The following TSNARE1 variants were observed in gnomAD, a reference collection of about 807,000 sequenced individuals.
TSNARE1 encodes the protein t-SNARE domain containing 1.
TSNARE1 carries 49 observed loss-of-function variants against 62.0 expected under a neutral mutation model. The observed-to-expected ratio is 0.79, with a 90% CI of 0.63 to 1.00. TSNARE1 has a LOEUF of 1.00. Among genes scored for constraint, TSNARE1 ranks in the 50% least tolerant of loss-of-function variants. The pLI is 0.00. For missense variants in TSNARE1, 755 were observed against 700.1 expected, an observed-to-expected ratio of 1.08 and a Z score of -0.88; for synonymous variants, 328 against 294.4, an observed-to-expected ratio of 1.11 and a Z score of -1.17.
At chr8:142,251,756 CCGGGCACCA>C (rs2130288022) in intron 12 of TSNARE1, among the ~76,000 whole-genome samples, 1 of 147,008 alleles carries the variant, frequency 6.8e-6, no homozygotes, top group Non-Finnish European at 1.5e-5. Flanking sequence ...TCTGCAGGGC[CCGGGCACCA>C]TGTACCCGCC....
intron 10 of TSNARE1, among the ~76,000 whole-genome samples, chr8:142,295,956 G>T (rs554152126): frequency 1.4e-5 from 2 of 145,106 alleles, no homozygotes; most frequent in African/African-American, 5.2e-5. Flanking sequence ...CTAGCACTGG[G>T]GGCTGGCTAT....
chr8:142,374,261 T>C (rs1342495931), intron 1 of TSNARE1, among the ~76,000 whole-genome samples: 3 of 148,772 alleles, frequency 2.0e-5, no homozygotes, highest in African/African-American at 7.5e-5. Context: ...GCCGAGATTA[T>C]GCCATTGCAC....
At chr8:142,364,520 A>G (rs1266602188) in intron 1 of TSNARE1, among the ~76,000 whole-genome samples, 1 of 152,228 alleles carries the variant, frequency 6.6e-6, no homozygotes, top group Non-Finnish European at 1.5e-5. Flanking sequence ...GGGCACACCC[A>G]GCACAGAGCT....
At chr8:142,245,215 C>G (rs539470884) in intron 12 of TSNARE1, among the ~76,000 whole-genome samples, 5 of 152,176 alleles carry the variant, frequency 3.3e-5, no homozygotes, top group Non-Finnish European at 5.9e-5. Context: ...GAGAGGAGCT[C>G]GTCTACTGCT....
chr8:142,385,939 T>C (rs1837088161), intron 1 of TSNARE1, among the ~76,000 whole-genome samples: 1 of 152,214 alleles, frequency 6.6e-6, no homozygotes. Flanking sequence ...CAGGTCCCTG[T>C]GGCTACAGGA....
chr8:142,364,177 C>T (rs146043924), intron 1 of TSNARE1, among the ~76,000 whole-genome samples: 426 of 152,336 alleles, frequency 2.8e-3, no homozygotes, highest in African/African-American at 9.8e-3. Flanking sequence ...GCTCTCCCTG[C>T]ACTGGCACTA....
At chr8:142,368,286 C>T (rs1434307843) in intron 1 of TSNARE1, among the ~76,000 whole-genome samples, 1 of 152,116 alleles carries the variant, frequency 6.6e-6, no homozygotes, top group Non-Finnish European at 1.5e-5. Flanking sequence ...GCAAAAGACA[C>T]AAACAGAAAA....
chr8:142,281,830 A>AG (rs34023945), intron 11 of TSNARE1, among the ~76,000 whole-genome samples: 37,024 of 151,896 alleles, frequency 0.24, 5,111 homozygotes, highest in African/African-American at 0.37. Flanking sequence ...GCCCCAGGTG[A>AG]GGTTTCCTGA....
At position 142,274,932 on chromosome 8, in the gene TSNARE1, C is replaced by T. The variant is rs555869381; in HGVS notation, c.1364-69G>A. The T allele has an allele frequency of 8.9e-5, 126 of 1,421,866 alleles. No individual in the cohort carries two copies. The Admixed American group carries it at 9.6e-4, about 11-fold the overall frequency. 88.1% of individuals were successfully genotyped at this position (1,421,866 alleles called of 1,614,324 possible). ...GCCGCCCCCGCCCTGAGGACACCCC[C>T]CAAAGGCAAGCCCAGGGAGCCTGAG... On this transcript the variant is annotated intron_variant, in intron 11 of 13. Transcript: ENST00000524325.
intron 12 of TSNARE1, chr8:142,271,247 G>C (rs1371597700): frequency 2.9e-6 from 3 of 1,020,970 alleles, no homozygotes; most frequent in Non-Finnish European, 3.5e-6. Flanking sequence ...GGTAGGGCGT[G>C]CTTCCACCAG....
At chr8:142,356,991 A>C (rs1055810657) in intron 1 of TSNARE1, among the ~76,000 whole-genome samples, 1 of 152,150 alleles carries the variant, frequency 6.6e-6, no homozygotes, top group African/African-American at 2.4e-5. Flanking sequence ...AGAAGCCAAC[A>C]TTGGGAGCAG....
intron 11 of TSNARE1, among the ~76,000 whole-genome samples, chr8:142,283,066 G>C (rs1221067108): frequency 6.8e-6 from 1 of 148,066 alleles, no homozygotes; most frequent in Non-Finnish European, 1.5e-5. Context: ...CTGTCAGTGA[G>C]CGGAGGTGGG....
At chr8:142,260,188 G>A (rs151136742) in intron 12 of TSNARE1, among the ~76,000 whole-genome samples, 9 of 152,218 alleles carry the variant, frequency 5.9e-5, no homozygotes, top group Admixed American at 4.6e-4. Flanking sequence ...TCAGAAAAGC[G>A]TGCAACGTCT....
intron 2 of TSNARE1, among the ~76,000 whole-genome samples, chr8:142,348,833 T>C (rs1193207575): frequency 1.3e-5 from 2 of 152,172 alleles, no homozygotes; most frequent in Non-Finnish European, 2.9e-5. Flanking sequence ...GAGTTATTTA[T>C]GAGTTGACGA....
chr8:142,365,711 CAACAA>C lies in TSNARE1; in HGVS notation c.-39-10953_-39-10949del, dbSNP rs764321359. Among the ~76,000 whole-genome samples, 4 of 152,088 alleles carry C rather than the reference CAACAA, an allele frequency of 2.6e-5. No homozygotes were observed. The East Asian group carries it at 5.8e-4, about 22-fold the overall frequency. On this transcript the variant is annotated intron_variant, in intron 1 of 13. Coordinates refer to ENST00000524325, the MANE Select transcript of TSNARE1 (RefSeq NM_145003.5). ...TTGGGATATTTGGGCAAAATATACACAACAAGTTTTCCTGTTAATCTGGCAACTTT... is the reference window on the plus strand; with the variant it reads ...TTGGGATATTTGGGCAAAATATACACGTTTTCCTGTTAATCTGGCAACTTT...
intron 1 of TSNARE1, among the ~76,000 whole-genome samples, chr8:142,367,214 G>A (rs759087874): frequency 6.6e-5 from 10 of 152,204 alleles, no homozygotes; most frequent in African/African-American, 7.2e-5. Context: ...ACCATCATGC[G>A]TTTTTATGGA....
intron 13 of TSNARE1, among the ~76,000 whole-genome samples, chr8:142,222,166 C>CATTCACTCACTCACTCATT (rs1816314234): frequency 8.9e-5 from 1 of 11,232 alleles, no homozygotes; most frequent in Non-Finnish European, 1.8e-4. Flanking sequence ...ATCCACTCAT[C>CATTCACTCACTCACTCATT]CACTCACTCA....
chr8:142,216,372 C>G (rs1815838170), intron 13 of TSNARE1, among the ~76,000 whole-genome samples: 1 of 152,130 alleles, frequency 6.6e-6, no homozygotes, highest in Non-Finnish European at 1.5e-5. Flanking sequence ...CCTGGGCTCT[C>G]CCTGATCAGC....
chr8:142,257,205 C>G (rs1009491534), intron 12 of TSNARE1, among the ~76,000 whole-genome samples: 9 of 152,192 alleles, frequency 5.9e-5, no homozygotes, highest in Non-Finnish European at 1.0e-4. Flanking sequence ...GACAGGGAAC[C>G]TCCTCTCTCT....
Sources: gnomAD v4.1 joint callset for allele counts (sites outside exome capture counted in the v4.1 genomes callset) on GRCh38, gnomAD v4.1.1 for gene constraint, MANE v1.5 for transcripts, NCBI Gene and HGNC (gene_info 2026-07-23, HGNC 2026-07-21) for gene names.